NDUFS8: variants seen among roughly 807,000 people sequenced by gnomAD.
NDUFS8 encodes NADH dehydrogenase [ubiquinone] iron-sulfur protein 8, mitochondrial.
NDUFS8 carries 13 observed loss-of-function variants against 25.6 expected under a neutral mutation model. That is an observed-to-expected ratio of 0.51 (90% CI 0.33 to 0.81). The LOEUF is 0.81. NDUFS8 is among the 30% of genes least tolerant of loss of function. The probability of loss-of-function intolerance (pLI) is 0.02; values close to 1 mark genes in which losing one functional copy is unlikely to be tolerated. For missense variants in NDUFS8, 257 were observed against 300.9 expected (o/e 0.85, Z 1.08); for synonymous variants, 119 against 119.4 (o/e 1.00, Z 0.02).
chr11:68,032,620 A>G, intron 3 of NDUFS8: 1 of 1,132,870 alleles, frequency 8.8e-7, no homozygotes, highest in Non-Finnish European at 1.2e-6. Flanking sequence ...GTCCCTGGTG[A>G]AGGCAAAGGC....
At chr11:68,034,455 T>C (rs1854839895) in intron 5 of NDUFS8, 1 of 152,270 alleles carries the variant, frequency 6.6e-6, no homozygotes, top group East Asian at 1.9e-4. Context: ...ATGTTGCAGG[T>C]TCGGCTCCAG....
In NDUFS8 at chr11:68,032,311, C is replaced by T. The variant is rs778922119; in HGVS notation, c.84C>T (p.His28=). The part of the protein sequence containing the change: ...RAGPPGGRSL[H]SSAVAATYKY... Reference sequence around the variant, plus strand: ...GACCTCCTGGTGGCCGGAGCCTCCACAGCAGTGCAGTGGCAGCCACCTACA... The same window carrying T: ...GACCTCCTGGTGGCCGGAGCCTCCATAGCAGTGCAGTGGCAGCCACCTACA... Residue 28 remains histidine, a synonymous_variant, in exon 3 of 7, where the codon CAC becomes CAT. Transcript: ENST00000313468. The T allele has an allele frequency of 3.7e-6, 6 of 1,613,724 alleles. No individual in the cohort carries two copies. The highest frequency in any genetic ancestry group is 3.3e-5 in the South Asian group (3 of 91,052).
Position 68,032,355 on chromosome 11 carries a change from T to C in NDUFS8, c.109+19T>C. On this transcript the variant is annotated intron_variant, in intron 3 of 6. Transcript: ENST00000313468. ...ACCTACAGTGAGTACCTGGGTGGCC[T>C]CTAGCCTCAGGTGTTCCTGACTGGT... is the stretch of plus-strand genomic sequence containing the variant. The C allele has an allele frequency of 6.2e-7, 1 of 1,613,044 alleles. No individual in the cohort carries two copies. The highest frequency in any genetic ancestry group is 8.5e-7 in the Non-Finnish European group (1 of 1,179,996).
chr11:68,032,025 G>A, intron 1 of NDUFS8, 127 bp from the exon 2 acceptor site: 3 of 1,364,522 alleles, frequency 2.2e-6, no homozygotes, highest in South Asian at 1.2e-5. Flanking sequence ...GCCTCTGACA[G>A]CAATGGGGTG....
intron 5 of NDUFS8, chr11:68,034,103 C>G (rs762429709): frequency 1.3e-5 from 2 of 154,556 alleles, no homozygotes; most frequent in Admixed American, 6.5e-5. Context: ...CACAACCCCT[C>G]GAGGAGGTCG....
intron 5 of NDUFS8, chr11:68,033,621 C>T (rs1302511946): frequency 1.8e-5 from 7 of 391,202 alleles, no homozygotes; most frequent in African/African-American, 6.1e-5. Flanking sequence ...CCACCGTTTC[C>T]GGAGTCCTGC....
intron 5 of NDUFS8, chr11:68,033,550 AC>A: frequency 1.8e-6 from 1 of 551,562 alleles, no homozygotes; most frequent in Non-Finnish European, 3.3e-6. Context: ...CAAGGGTGTG[AC>A]CCCTGGGCCT....
chr11:68,032,915 C>T lies in NDUFS8; in HGVS notation c.110-8C>T, dbSNP rs773740474. 6.8e-6 allele frequency: 11 copies of T among 1,613,596 alleles called. No individual in the cohort carries two copies. The highest frequency in any genetic ancestry group is 1.3e-5 in the African/African-American group (1 of 74,918). Reference sequence around the variant, plus strand: ...CTTGCCATGGCCTCCCTGCCCGCCTCTCTGCAGAGTATGTGAACATGCAGG... The same window carrying T: ...CTTGCCATGGCCTCCCTGCCCGCCTTTCTGCAGAGTATGTGAACATGCAGG... On this transcript the variant is annotated splice_region_variant and splice_polypyrimidine_tract_variant and intron_variant, in intron 3 of 6. Coordinates refer to ENST00000313468, the MANE Select transcript of NDUFS8 (RefSeq NM_002496.4).
chr11:68,031,692 C>T (rs1350862927), intron 1 of NDUFS8: 2 of 272,508 alleles, frequency 7.3e-6, no homozygotes, highest in Non-Finnish European at 1.5e-5. Flanking sequence ...CTTATTTGTG[C>T]CTCCCTCGTG....
At chr11:68,032,875 C>T (rs746958707) in intron 3 of NDUFS8, 48 bp from the exon 4 acceptor site, 1 of 1,574,258 alleles carries the variant, frequency 6.4e-7, no homozygotes, top group South Asian at 1.1e-5. Context: ...TCCAGGGAGA[C>T]AGTGTGTGAG....
intron 5 of NDUFS8, 165 bp from the exon 6 acceptor site, chr11:68,036,088 C>A: frequency 9.2e-7 from 1 of 1,082,800 alleles, no homozygotes. Context: ...AGGAGACAGG[C>A]GCGAGCACCA....
At chr11:68,035,408 G>T in intron 5 of NDUFS8, 1 of 198,992 alleles carries the variant, frequency 5.0e-6, no homozygotes, top group South Asian at 5.5e-5. Flanking sequence ...TCCAGCCTGG[G>T]TGACAGGGCA....
chr11:68,033,184 G>A lies in NDUFS8; in HGVS notation c.273G>A (p.Leu91=), dbSNP rs1320348661. The change falls in exon 5 of 7, where the codon CTG becomes CTA. Residue 91 remains leucine, a synonymous_variant. Coordinates refer to ENST00000313468, the MANE Select transcript of NDUFS8 (RefSeq NM_002496.4). ...ACTACCCGTTCGAGAAGGGCCCGCT[G>A]AGCCCTCGCTTCCGTGGGGAGCATG... ...TINYPFEKGP[L]SPRFRGEHAL... is the part of the protein sequence containing the mutation. The A allele has an allele frequency of 1.2e-6, 2 of 1,612,472 alleles. No individual in the cohort carries two copies. Among genetic ancestry groups the A allele is most frequent in the Admixed American group, 1.7e-5 (1 of 59,924 alleles).
intron 2 of NDUFS8, 26 bp downstream of exon 2, chr11:68,032,235 G>T: frequency 6.2e-7 from 1 of 1,613,746 alleles, no homozygotes; most frequent in South Asian, 1.1e-5. Flanking sequence ...CCTTTGCTGG[G>T]GGTAGGGGAG....
At chr11:68,033,997 G>A (rs376505677) in intron 5 of NDUFS8, 5 of 155,536 alleles carry the variant, frequency 3.2e-5, no homozygotes, top group Middle Eastern at 1.0e-3. Flanking sequence ...CAGCAGTCAC[G>A]ATGGTCACAA....
In NDUFS8 at chr11:68,033,123, C is replaced by A. The variant is rs1336391030; in HGVS notation, c.212C>A (p.Thr71Asn). The change falls in exon 5 of 7, where the codon ACC becomes AAC. Residue 71 changes from threonine to asparagine, a missense_variant. By Grantham distance (65) the Thr-to-Asn change is moderately conservative (BLOSUM62 0). Coordinates refer to ENST00000313468, the MANE Select transcript of NDUFS8 (RefSeq NM_002496.4). ...GTGCTGCCCACAGGCCTGGGCATGA[C>A]CCTGAGCTACCTGTTCCGGGAACCG... ...WTELFRGLGM[T>N]LSYLFREPAT... The A allele has an allele frequency of 6.2e-7, 1 of 1,612,880 alleles. No homozygotes were observed. Among genetic ancestry groups the A allele is most frequent in the African/African-American group, 1.3e-5 (1 of 74,928 alleles).
At chr11:68,035,756 A>T (rs1178947986) in intron 5 of NDUFS8, 5 of 453,516 alleles carry the variant, frequency 1.1e-5, no homozygotes, top group Non-Finnish European at 2.2e-5. Flanking sequence ...ACGGTGGCTC[A>T]CGCTTGTAAT....
At chr11:68,031,779 C>T (rs1261267857) in intron 1 of NDUFS8, 4 of 374,048 alleles carry the variant, frequency 1.1e-5, no homozygotes, top group African/African-American at 4.2e-5. Context: ...TAACAAAGTT[C>T]GCTCTCAGTG....
At chr11:68,031,240 AGG>A (rs1290823421) in intron 1 of NDUFS8, 1 of 190,578 alleles carries the variant, frequency 5.2e-6, no homozygotes, top group African/African-American at 2.4e-5. Flanking sequence ...AGCTGGGGAA[AGG>A]AATGTGGTAC....
Sources: gnomAD v4.1 joint callset for allele counts on GRCh38, gnomAD v4.1.1 for gene constraint, MANE v1.5 for transcripts, NCBI Gene and HGNC (gene_info 2026-07-23, HGNC 2026-07-21) for gene names.